MMP14: variants seen among roughly 807,000 people sequenced by gnomAD.
MMP14 encodes matrix metalloproteinase-14.
MMP14 carries 13 observed loss-of-function variants against 64.8 expected under a neutral mutation model. That is an observed-to-expected ratio of 0.20 (90% CI 0.13 to 0.32). The LOEUF (loss-of-function observed/expected upper bound fraction) is 0.32, where lower values mean the gene tolerates loss of function less well. Ranked by LOEUF, MMP14 falls within the 10% of genes least tolerant of loss-of-function variation. The probability of loss-of-function intolerance (pLI) is 1.00; values close to 1 mark genes in which losing one functional copy is unlikely to be tolerated. For synonymous variants in MMP14, 322 were observed against 315.9 expected (o/e 1.02, Z -0.20); for missense variants, 594 against 783.8 (o/e 0.76, Z 2.89).
rs769736730 is a variant in MMP14, at chr14:22,836,883, C to A, written c.66C>A (p.Leu22=). 6.2e-7 allele frequency: 1 copy of A among 1,613,814 alleles called. No homozygotes were observed. The highest frequency in any genetic ancestry group is 1.1e-5 in the South Asian group (1 of 91,066). ...CCCTGCTCACGCTCGGCACCGCGCT[C>A]GCCTCCCTCGGCTCGGCCCAAAGCA... ...LLPLLTLGTA[L]ASLGSAQSSS... The change falls in exon 1 of 10, where the codon CTC becomes CTA. Residue 22 remains leucine, a synonymous_variant. Coordinates refer to ENST00000311852, the MANE Select transcript of MMP14 (RefSeq NM_004995.4).
In MMP14 at chr14:22,838,658, G is replaced by A. The variant is rs17881791; in HGVS notation, c.108+1733G>A. Among the ~76,000 whole-genome samples, 245 of 152,088 alleles carry A rather than the reference G, an allele frequency of 1.6e-3. 1 individual carries two copies. The highest frequency in any genetic ancestry group is 5.7e-3 in the African/African-American group (236 of 41,510). On this transcript the variant is annotated intron_variant, in intron 1 of 9. Transcript: ENST00000311852. ...CAGGCCAATGTGGAGGGAAAGCTGG[G>A]GTGGTGCAGGCCTCATGCAGCTGGG...
intron 1 of MMP14, among the ~76,000 whole-genome samples, chr14:22,841,265 C>G (rs1322206181): frequency 6.6e-6 from 1 of 152,180 alleles, no homozygotes; most frequent in Non-Finnish European, 1.5e-5. Context: ...CAGCCAAAAG[C>G]CTGTTTGGGC....
chr14:22,837,262 G>A (rs1412503301), intron 1 of MMP14: 15 of 524,860 alleles, frequency 2.9e-5, no homozygotes, highest in South Asian at 1.8e-4. Context: ...GGAACCGCCT[G>A]ATAAACATTT....
chr14:22,839,855 C>G (rs1452141179), intron 1 of MMP14, among the ~76,000 whole-genome samples: 1 of 152,040 alleles, frequency 6.6e-6, no homozygotes, highest in East Asian at 1.9e-4. Context: ...CCTGAACTCC[C>G]TAAGAAAGCA....
chr14:22,842,473 C>G lies in MMP14; in HGVS notation c.444C>G (p.Phe148Leu). Residue 148 changes from phenylalanine to leucine, a missense_variant, in exon 4 of 10, where the codon TTC (phenylalanine) becomes TTG (leucine). Phe to Leu is a conservative substitution (Grantham distance 22). Transcript: ENST00000311852. This position sits in a 1 kb window ranked among gnomAD's most constrained non-coding sequence, Gnocchi z 5.3. ...YATYEAIRKA[F>L]RVWESATPLR... is the part of the protein sequence containing the mutation. ...CATACGAGGCCATTCGCAAGGCGTT[C>G]CGCGTGTGGGAGAGTGCCACACCAC... The G allele has an allele frequency of 6.2e-7, 1 of 1,614,034 alleles. No homozygotes were observed. Among genetic ancestry groups the G allele is most frequent in the East Asian group, 2.2e-5 (1 of 44,902 alleles).
At chr14:22,837,288 C>G (rs982329175) in intron 1 of MMP14, 4 of 488,094 alleles carry the variant, frequency 8.2e-6, no homozygotes, top group African/African-American at 7.8e-5. Context: ...CCGCTCAAAC[C>G]CCGCGCTGTC....
intron 2 of MMP14, 54 bp downstream of exon 2, chr14:22,841,693 C>A: frequency 3.7e-6 from 6 of 1,605,862 alleles, no homozygotes; most frequent in Non-Finnish European, 5.1e-6. Flanking sequence ...ACAATGCCAG[C>A]GCCAGAGATG....
rs1254312842 is a variant in MMP14, at chr14:22,842,285, G to A, written c.381-125G>A. 6 of 1,153,110 alleles carry A rather than the reference G, an allele frequency of 5.2e-6. No homozygotes were observed. Among genetic ancestry groups the A allele is most frequent in the South Asian group, 1.5e-5 (1 of 65,794 alleles). The allele number at this position is 1,153,110 out of a possible 1,614,324, so 71.4% of individuals were successfully genotyped here. A position where few individuals can be genotyped will look rare whatever the true frequency, so the allele number is the denominator to read the frequency against. On this transcript the variant is annotated intron_variant, in intron 3 of 9. Coordinates refer to ENST00000311852, the MANE Select transcript of MMP14 (RefSeq NM_004995.4). This position sits in a 1 kb window ranked among gnomAD's most constrained non-coding sequence, Gnocchi z 5.3. ...AGAGGCGTTGCGCATGAGGTAGCAG[G>A]AAGAGCTGGGTCAGGCAGAGGTGGC...
chr14:22,839,156 G>C (rs1005131781), intron 1 of MMP14, among the ~76,000 whole-genome samples: 12 of 152,196 alleles, frequency 7.9e-5, no homozygotes, highest in African/African-American at 2.7e-4. Flanking sequence ...GCTCTCTGAG[G>C]GTTGACGGGG....
rs76513538 is a variant in MMP14 at position 22,839,010 on chromosome 14, G to A, written c.108+2085G>A. ...TTTAGACCCCCCTAGCTTCTTGAAC[G>A]ACTCCAGAGGGGATTTCCCCCAGAG... On this transcript the variant is annotated intron_variant, in intron 1 of 9. Transcript: ENST00000311852. 2.2e-4 allele frequency among the ~76,000 whole-genome samples: 34 copies of A among 152,260 alleles called. No individual in the cohort carries two copies. The East Asian group carries it at 6.2e-3, about 28-fold the overall frequency.
In MMP14 at chr14:22,844,691, G is replaced by A. The variant is rs1004951466; in HGVS notation, c.1212G>A (p.Lys404=). The part of the protein sequence containing the change: ...SLEPGYPKHI[K]ELGRGLPTDK... ...AACCTGGCTACCCCAAGCACATTAA[G>A]GAGCTGGGCCGAGGGCTGCCTACCG... The change falls in exon 8 of 10, where the codon AAG becomes AAA. Residue 404 remains lysine, a synonymous_variant. Coordinates refer to ENST00000311852, the MANE Select transcript of MMP14 (RefSeq NM_004995.4). 2.1e-5 allele frequency: 34 copies of A among 1,613,988 alleles called. No homozygotes were observed. The highest frequency in any genetic ancestry group is 2.8e-5 in the Non-Finnish European group (33 of 1,180,022).
In MMP14 at chr14:22,842,192, G is replaced by T; in HGVS notation, c.380+157G>T. ...GAAAATGGCTCTCATCCTTGAGAGA[G>T]GTGTAGCCATCAAGGGTGCACCCCA... On this transcript the variant is annotated intron_variant, in intron 3 of 9. Coordinates refer to ENST00000311852, the MANE Select transcript of MMP14 (RefSeq NM_004995.4). The surrounding 1 kb of genome is among the most constrained non-coding windows in gnomAD (Gnocchi z 5.3). The T allele has an allele frequency of 8.9e-7, 1 of 1,125,260 alleles. No individual in the cohort carries two copies. Among genetic ancestry groups the T allele is most frequent in the Non-Finnish European group, 1.3e-6 (1 of 787,428 alleles). The allele number at this position is 1,125,260 out of a possible 1,614,324, so 69.7% of individuals were successfully genotyped here.
Position 22,845,758 on chromosome 14 carries a change from A to C in MMP14, c.1468A>C (p.Lys490Gln). 5.6e-6 allele frequency: 9 copies of C among 1,614,176 alleles called. No homozygotes were observed. Among genetic ancestry groups the C allele is most frequent in the Non-Finnish European group, 7.6e-6 (9 of 1,180,044 alleles). ...CAAATACTGGAAATTCAACAACCAG[A>C]AGCTGAAGGTAGAACCGGGCTACCC... is the stretch of plus-strand genomic sequence containing the variant. ...GNKYWKFNNQ[K>Q]LKVEPGYPKS... The change falls in exon 10 of 10, where the codon AAG (lysine) becomes CAG (glutamine). Residue 490 changes from lysine to glutamine, a missense_variant. Coordinates refer to ENST00000311852, the MANE Select transcript of MMP14 (RefSeq NM_004995.4).
rs1196891078 is a variant in MMP14, at chr14:22,847,649, G to C, written c.*1610G>C. On this transcript the variant is annotated 3_prime_UTR_variant, in exon 10 of 10. Transcript: ENST00000311852. ...GCATGGGGAGGGGTGGGGGTGGGGG[G>C]GCAGAGGCGTCTGACCCCAGGAACC... is the stretch of plus-strand genomic sequence containing the variant. 2 of 150,268 alleles carry C rather than the reference G, an allele frequency of 1.3e-5. No individual in the cohort carries two copies. Among genetic ancestry groups the C allele is most frequent in the Non-Finnish European group, 3.0e-5 (2 of 67,478 alleles). The allele number at this position is 150,268 out of a possible 1,614,324, so 9.3% of individuals were successfully genotyped here. A position where few individuals can be genotyped will look rare whatever the true frequency, so the allele number is the denominator to read the frequency against.
Position 22,843,968 on chromosome 14 carries a change from G to C in MMP14, c.1011+98G>C. 1 of 1,476,180 alleles carries C rather than the reference G, an allele frequency of 6.8e-7. No homozygotes were observed. Among genetic ancestry groups the C allele is most frequent in the Non-Finnish European group, 9.2e-7 (1 of 1,085,786 alleles). 91.4% of individuals were successfully genotyped at this position (1,476,180 alleles called of 1,614,324 possible). A position where few individuals can be genotyped will look rare whatever the true frequency, so the allele number is the denominator to read the frequency against. On this transcript the variant is annotated intron_variant, in intron 6 of 9. Transcript: ENST00000311852. This position sits in a 1 kb window ranked among gnomAD's most constrained non-coding sequence, Gnocchi z 4.8. ...CCTAGCACTTTGAGAGGCCAAGGCA[G>C]GTGGATCACCTGAGGTCTGGAGTTC...
intron 1 of MMP14, chr14:22,837,407 C>T (rs2039742235): frequency 2.2e-6 from 1 of 455,944 alleles, no homozygotes; most frequent in Non-Finnish European, 4.4e-6. Context: ...CCCGGGTGGC[C>T]CAGGCCTTCA....
rs887889069 is a variant in MMP14 at position 22,844,688 on chromosome 14, T to G, written c.1209T>G (p.Ile403Met). 18 of 1,613,994 alleles carry G rather than the reference T, an allele frequency of 1.1e-5. No homozygotes were observed. The highest frequency in any genetic ancestry group is 1.4e-5 in the Non-Finnish European group (17 of 1,179,974). The change falls in exon 8 of 10, where the codon ATT (isoleucine) becomes ATG (methionine). Residue 403 changes from isoleucine (I) to methionine (M), a missense_variant. Physicochemically the swap from Ile to Met is conservative, Grantham distance 10 (BLOSUM62 1). Around this residue, in one of 4 missense-constraint regions of MMP14, gnomAD observed 364 missense variants for 425.2 expected, o/e 0.86. Transcript: ENST00000311852. ...ASLEPGYPKH[I>M]KELGRGLPTD... ...TGGAACCTGGCTACCCCAAGCACAT[T>G]AAGGAGCTGGGCCGAGGGCTGCCTA...
rs2039796521 is a variant in MMP14 at position 22,844,380 on chromosome 14, T to C, written c.1021T>C (p.Phe341Leu). 1 of 1,614,112 alleles carries C rather than the reference T, an allele frequency of 6.2e-7. No homozygotes were observed. The highest frequency in any genetic ancestry group is 2.2e-5 in the East Asian group (1 of 44,880). Reference sequence around the variant, plus strand: ...ATTGACCGGCTTCCAGGAGCGCTGGTTCTGGCGGGTGAGGAATAACCAAGT... The same window carrying C: ...ATTGACCGGCTTCCAGGAGCGCTGGCTCTGGCGGGTGAGGAATAACCAAGT... ...GEMFVFKERW[F>L]WRVRNNQVMD... The change falls in exon 7 of 10, where the codon TTC becomes CTC. Residue 341 changes from phenylalanine to leucine, a missense_variant. Physicochemically the swap from Phe to Leu is conservative, Grantham distance 22. This residue lies in a region of MMP14 where 364 missense variants were observed against 425.2 expected (regional missense o/e 0.86). Coordinates refer to ENST00000311852, the MANE Select transcript of MMP14 (RefSeq NM_004995.4).
rs1466987636 is a variant in MMP14, at chr14:22,847,415, G to C, written c.*1376G>C. The C allele has an allele frequency of 6.7e-6, 1 of 148,956 alleles. No homozygotes were observed. The highest frequency in any genetic ancestry group is 2.5e-5 in the African/African-American group (1 of 40,802). The allele number at this position is 148,956 out of a possible 1,614,324, so 9.2% of individuals were successfully genotyped here. On this transcript the variant is annotated 3_prime_UTR_variant, in exon 10 of 10. Transcript: ENST00000311852. ...ACCAAAGGTGGTGGCCATGGTACCG[G>C]GGACTTGGGAGAGTGAGACCCAGTG...
Sources: gnomAD v4.1 joint callset for allele counts (sites outside exome capture counted in the v4.1 genomes callset) on GRCh38, gnomAD v4.1.1 for gene constraint, gnomAD v4.1.1 regional missense constraint, Gnocchi (gnomAD v3.1) non-coding constraint, MANE v1.5 for transcripts, NCBI Gene and HGNC (gene_info 2026-07-23, HGNC 2026-07-21) for gene names.